The following CRHR1 variants were observed in gnomAD, a reference collection of about 807,000 sequenced individuals.
The protein encoded by CRHR1 is corticotropin-releasing hormone receptor 1.
In CRHR1, 28 loss-of-function variants were observed where a neutral mutation model predicts 56.0. The observed-to-expected ratio is 0.50, with a 90% CI of 0.37 to 0.69. CRHR1 has a LOEUF of 0.69. CRHR1 is among the 30% of genes least tolerant of loss of function. The pLI is 0.00. For synonymous variants in CRHR1, 195 were observed against 216.5 expected (o/e 0.90, Z 0.87); for missense variants, 376 against 548.0 (o/e 0.69, Z 3.13).
In CRHR1 at chr17:45,791,833, T is replaced by TTTTCTC. The variant is rs945864453; in HGVS notation, c.33+7257_33+7258insTTCTCT. Among the ~76,000 whole-genome samples, 595 of 127,192 alleles carry TTTTCTC rather than the reference T, an allele frequency of 4.7e-3. 1 individual carries two copies. The highest frequency in any genetic ancestry group is 0.016 in the African/African-American group (547 of 33,788). 83.4% of individuals were successfully genotyped at this position (127,192 alleles called of 152,430 possible). On this transcript the variant is annotated intron_variant, in intron 1 of 12. Coordinates refer to ENST00000314537, the MANE Select transcript of CRHR1 (RefSeq NM_004382.5). The stretch of plus-strand genomic sequence containing the variant: ...TGGGCATTTTTTTCTCTCTCTCTCT[T>TTTTCTC]TCTCTCTCTCTCTCTCTCTCACACA...
chr17:45,795,496 C>T (rs1199255613), intron 1 of CRHR1, among the ~76,000 whole-genome samples: 4 of 152,152 alleles, frequency 2.6e-5, no homozygotes, highest in Non-Finnish European at 4.4e-5. Context: ...TGGCCTTTAC[C>T]CATTAAATGC....
chr17:45,804,918 A>C (rs149599657), intron 1 of CRHR1, among the ~76,000 whole-genome samples: 269 of 151,776 alleles, frequency 1.8e-3, no homozygotes, highest in African/African-American at 6.1e-3. Flanking sequence ...GGGTTCATGC[A>C]ATTCTCCTGC....
intron 6 of CRHR1, 23 bp downstream of exon 6, chr17:45,830,237 G>T (rs777285436): frequency 1.2e-6 from 2 of 1,613,194 alleles, no homozygotes; most frequent in South Asian, 1.1e-5. Context: ...AGGGGAGCGG[G>T]GAGCAGGTCA....
At chr17:45,792,958 GC>G (rs757777445) in intron 1 of CRHR1, among the ~76,000 whole-genome samples, 9 of 152,228 alleles carry the variant, frequency 5.9e-5, no homozygotes, top group Non-Finnish European at 1.2e-4. Context: ...ACCTCTGTGT[GC>G]CCAGAACTTA....
rs549232631 is a variant in CRHR1 at position 45,784,792 on chromosome 17, C to G, written c.33+215C>G. 3.9e-5 allele frequency among the ~76,000 whole-genome samples: 6 copies of G among 152,178 alleles called. No individual in the cohort carries two copies. The South Asian group carries it at 8.3e-4, about 21-fold the overall frequency. On this transcript the variant is annotated intron_variant, in intron 1 of 12. Transcript: ENST00000314537. The surrounding 1 kb of genome is among the most constrained non-coding windows in gnomAD (Gnocchi z 4.2). ...ACTCAGGTGAGAAAAGAAATCGTGG[C>G]GAAGCCGCCGGGATGTTGGCGGAGG...
At chr17:45,818,699 G>C (rs962651243) in intron 3 of CRHR1, among the ~76,000 whole-genome samples, 7 of 152,298 alleles carry the variant, frequency 4.6e-5, no homozygotes, top group Non-Finnish European at 1.0e-4. Flanking sequence ...GCACGCCCGT[G>C]CAGTCAGTCA....
rs137990076 is a variant in CRHR1, at chr17:45,822,189, A to C, written c.327+749A>C. 4.5e-3 allele frequency among the ~76,000 whole-genome samples: 693 copies of C among 152,384 alleles called. 3 individuals carry two copies. The highest frequency in any genetic ancestry group is 8.1e-3 in the Non-Finnish European group (548 of 68,044). ...CTTAGAGATGGTTCCATATCAGTAC[A>C]TAAAGAGCATCTTCATTCTTTTTGC... On this transcript the variant is annotated intron_variant, in intron 4 of 12. Coordinates refer to ENST00000314537, the MANE Select transcript of CRHR1 (RefSeq NM_004382.5).
chr17:45,816,341 T>C, intron 2 of CRHR1, 122 bp from the exon 3 acceptor site: 1 of 1,332,428 alleles, frequency 7.5e-7, no homozygotes, highest in Non-Finnish European at 1.0e-6. Flanking sequence ...GTTGTCATCC[T>C]GTCCCTAGCT....
chr17:45,785,471 G>A (rs1041233467), intron 1 of CRHR1, among the ~76,000 whole-genome samples: 3 of 152,222 alleles, frequency 2.0e-5, no homozygotes, highest in African/African-American at 7.2e-5. Flanking sequence ...CGGCCGGAGA[G>A]GCGGGTGGGC....
At chr17:45,830,653 G>A (rs931238151) in intron 7 of CRHR1, 83 bp downstream of exon 7, 15 of 1,499,656 alleles carry the variant, frequency 1.0e-5, no homozygotes, top group Non-Finnish European at 1.3e-5. Flanking sequence ...CAGCGGGCTG[G>A]GGGGCCTGAG....
At chr17:45,794,659 C>T (rs1477836085) in intron 1 of CRHR1, among the ~76,000 whole-genome samples, 1 of 152,248 alleles carries the variant, frequency 6.6e-6, no homozygotes, top group Non-Finnish European at 1.5e-5. Flanking sequence ...CTCCTTGTCA[C>T]ACTCATCAAT....
rs1317801326 is a variant in CRHR1, at chr17:45,835,476, C to G, written c.*712C>G. On this transcript the variant is annotated 3_prime_UTR_variant, in exon 13 of 13. Coordinates refer to ENST00000314537, the MANE Select transcript of CRHR1 (RefSeq NM_004382.5). ...CTTAACCACCCCATACCAGTCACCT[C>G]CTGCTCCTTTTCCTCTTTTGTGAGA... 1 of 153,094 alleles carries G rather than the reference C, an allele frequency of 6.5e-6. No individual in the cohort carries two copies. The highest frequency in any genetic ancestry group is 1.5e-5 in the Non-Finnish European group (1 of 68,506). 9.5% of individuals were successfully genotyped at this position (153,094 alleles called of 1,614,324 possible).
intron 1 of CRHR1, among the ~76,000 whole-genome samples, chr17:45,795,151 G>A (rs995965720): frequency 1.3e-5 from 2 of 152,148 alleles, no homozygotes; most frequent in Admixed American, 1.3e-4. Flanking sequence ...CCACCAGTCC[G>A]CTGCCTTCAG....
Position 45,807,093 on chromosome 17 carries a change from C to T in CRHR1, c.117C>T (p.Ile39=). The change falls in exon 2 of 13, where the codon ATC becomes ATT. Residue 39 remains isoleucine (I), a synonymous_variant. Coordinates refer to ENST00000314537, the MANE Select transcript of CRHR1 (RefSeq NM_004382.5). ...HCESLSLASN[I]SGLQCNASVD... ...AGAGCCTGTCCCTGGCCAGCAACAT[C>T]TCAGGTGAGTCCCCTCAACCCCCTC... The T allele has an allele frequency of 6.2e-7, 1 of 1,614,004 alleles. No homozygotes were observed. The highest frequency in any genetic ancestry group is 1.1e-5 in the South Asian group (1 of 91,048).
intron 1 of CRHR1, among the ~76,000 whole-genome samples, chr17:45,788,094 T>G (rs1484054883): frequency 1.3e-5 from 2 of 152,192 alleles, no homozygotes; most frequent in African/African-American, 4.8e-5. Context: ...AGCATCAACC[T>G]CCAGGTTCAG....
At chr17:45,817,685 G>C (rs553125731) in intron 3 of CRHR1, among the ~76,000 whole-genome samples, 1 of 152,336 alleles carries the variant, frequency 6.6e-6, no homozygotes, top group Admixed American at 6.5e-5. Context: ...GACTCCCCAG[G>C]GAGTGACTTG....
At position 45,787,047 on chromosome 17, in the gene CRHR1, G is replaced by A. The variant is rs72834572; in HGVS notation, c.33+2470G>A. ...AGAGTACAAATCTAGGGGATTTAGG[G>A]TTAATCCCAAATCCAGCTCCATCCC... On this transcript the variant is annotated intron_variant, in intron 1 of 12. Transcript: ENST00000314537. Among the ~76,000 whole-genome samples the A allele has an allele frequency of 7.2e-3, 1,103 of 152,282 alleles. 8 individuals are homozygous for A. Among genetic ancestry groups the A allele is most frequent in the South Asian group, 0.023 (112 of 4,820 alleles).
Position 45,807,113 on chromosome 17 carries a change from C to T in CRHR1, c.121+16C>T, listed in dbSNP as rs1318055332. ...AACATCTCAGGTGAGTCCCCTCAAC[C>T]CCCTCCTGCAAGATTCCTGGTCACC... On this transcript the variant is annotated intron_variant, in intron 2 of 12. Transcript: ENST00000314537. The T allele has an allele frequency of 6.2e-7, 1 of 1,611,784 alleles. No homozygotes were observed. Among genetic ancestry groups the T allele is most frequent in the East Asian group, 2.2e-5 (1 of 44,878 alleles).
rs762611095 is a variant in CRHR1 at position 45,829,209 on chromosome 17, C to T, written c.328-6C>T. On this transcript the variant is annotated splice_region_variant and splice_polypyrimidine_tract_variant and intron_variant, in intron 4 of 12. Coordinates refer to ENST00000314537, the MANE Select transcript of CRHR1 (RefSeq NM_004382.5). ...GGCTCACCTCTGCCCCTCTCTCCTG[C>T]TCCAGAAAAAAAGCAAGGTGCACTA... is the stretch of plus-strand genomic sequence containing the variant. 31 of 1,611,798 alleles carry T rather than the reference C, an allele frequency of 1.9e-5. No individual in the cohort carries two copies. The highest frequency in any genetic ancestry group is 3.3e-5 in the Admixed American group (2 of 59,884).
Sources: gnomAD v4.1 joint callset for allele counts (sites outside exome capture counted in the v4.1 genomes callset) on GRCh38, gnomAD v4.1.1 for gene constraint, Gnocchi (gnomAD v3.1) non-coding constraint, MANE v1.5 for transcripts, NCBI Gene and HGNC (gene_info 2026-07-23, HGNC 2026-07-21) for gene names.